FOXP2: variants seen among roughly 807,000 people sequenced by gnomAD.
FOXP2 encodes forkhead box P2, also known as forkhead box protein P2.
FOXP2 carries 12 observed loss-of-function variants against 115.8 expected under a neutral mutation model. The ratio of observed to expected loss-of-function variants is 0.10; its 90% CI spans 0.07 to 0.17. The LOEUF (loss-of-function observed/expected upper bound fraction) is 0.17. Ranked by LOEUF, FOXP2 falls within the 10% of genes least tolerant of loss-of-function variation. The pLI is 1.00. For synonymous variants in FOXP2, 328 were observed against 297.7 expected (o/e 1.10, Z -1.05); for missense variants, 629 against 843.5 (o/e 0.75, Z 3.15).
At chr7:114,594,757 A>G (rs1400548590) in intron 3 of FOXP2, among the ~76,000 whole-genome samples, 2 of 152,016 alleles carry the variant, frequency 1.3e-5, no homozygotes, top group African/African-American at 4.8e-5. Context: ...GACACCTCCT[A>G]TTTGGGCACA....
At position 114,644,802 on chromosome 7, in the gene FOXP2, C is replaced by A; in HGVS notation, c.1094+13C>A. On this transcript the variant is annotated intron_variant, in intron 8 of 16. Coordinates refer to ENST00000350908, the MANE Select transcript of FOXP2 (RefSeq NM_014491.4). ...GACAGTTTTTAAAGTAGGTTTTTTA[C>A]TTTTTTTTGGTGGGGGGCGGGGGCT... The A allele has an allele frequency of 6.3e-7, 1 of 1,597,858 alleles. No individual in the cohort carries two copies. The highest frequency in any genetic ancestry group is 8.6e-7 in the Non-Finnish European group (1 of 1,167,470).
chr7:114,393,577 G>A (rs1306263202), intron 2 of FOXP2, among the ~76,000 whole-genome samples: 3 of 151,970 alleles, frequency 2.0e-5, no homozygotes, highest in South Asian at 4.2e-4. Context: ...AGCCTGGTGT[G>A]GGGAGTCAAA....
chr7:114,638,716 T>C (rs1584979610), intron 6 of FOXP2, among the ~76,000 whole-genome samples: 1 of 152,260 alleles, frequency 6.6e-6, no homozygotes, highest in Non-Finnish European at 1.5e-5. Context: ...CCCTCTAAAA[T>C]TGTGGTTTTA....
At chr7:114,289,397 T>G (rs1000996149) in intron 2 of FOXP2, among the ~76,000 whole-genome samples, 2 of 151,884 alleles carry the variant, frequency 1.3e-5, no homozygotes, top group Admixed American at 1.3e-4. Flanking sequence ...CAATTAGAGA[T>G]AGAACACATG....
At chr7:114,234,837 A>C (rs1584565269) in intron 1 of FOXP2, among the ~76,000 whole-genome samples, 2 of 152,134 alleles carry the variant, frequency 1.3e-5, no homozygotes, top group Non-Finnish European at 2.9e-5. Context: ...CGTAGATCAT[A>C]TGTCTCTACC....
At chr7:114,158,141 T>C (rs1291062623), upstream of FOXP2, among the ~76,000 whole-genome samples, 1 of 152,074 alleles carries the variant, frequency 6.6e-6, no homozygotes, top group African/African-American at 2.4e-5. Context: ...TGTTTTAAAG[T>C]GCTAAAAGTC....
chr7:114,334,577 A>C (rs778448325), intron 2 of FOXP2, among the ~76,000 whole-genome samples: 3 of 151,606 alleles, frequency 2.0e-5, no homozygotes, highest in Non-Finnish European at 4.4e-5. Flanking sequence ...TTTGTGGTAC[A>C]TAGTTCTCAA....
chr7:114,589,083 C>A (rs779206101), intron 3 of FOXP2, among the ~76,000 whole-genome samples: 6 of 152,030 alleles, frequency 3.9e-5, no homozygotes, highest in Non-Finnish European at 7.4e-5. Flanking sequence ...AAAAAATAAT[C>A]GTCATCAGAC....
intron 1 of FOXP2, among the ~76,000 whole-genome samples, chr7:114,111,307 T>A (rs1211024454): frequency 6.6e-6 from 1 of 152,138 alleles, no homozygotes; most frequent in Non-Finnish European, 1.5e-5. Flanking sequence ...TCAGGAAGCC[T>A]TGTATAGCCT....
chr7:114,465,165 G>A (rs144580876), intron 2 of FOXP2, among the ~76,000 whole-genome samples: 2 of 152,074 alleles, frequency 1.3e-5, no homozygotes, highest in South Asian at 2.1e-4. Flanking sequence ...AGGTGTCGCC[G>A]TGTTGCCAAG....
At chr7:114,651,682 C>G (rs557724492) in intron 8 of FOXP2, among the ~76,000 whole-genome samples, 16 of 152,172 alleles carry the variant, frequency 1.1e-4, no homozygotes, top group Non-Finnish European at 2.1e-4. Context: ...TTCTTTATTA[C>G]TAACAGCAAA....
chr7:114,511,436 G>T (rs1419726062), intron 2 of FOXP2, among the ~76,000 whole-genome samples: 1 of 152,086 alleles, frequency 6.6e-6, no homozygotes, highest in African/African-American at 2.4e-5. Context: ...AATGAAAAAA[G>T]AAAGGAATCA....
At chr7:114,123,318 C>A (rs1333754129) in intron 1 of FOXP2, among the ~76,000 whole-genome samples, 1 of 145,776 alleles carries the variant, frequency 6.9e-6, no homozygotes, top group Non-Finnish European at 1.5e-5. Context: ...CTTGTCAACA[C>A]ACTCCAGTCT....
chr7:114,519,311 AGT>A (rs1798498123), intron 2 of FOXP2, among the ~76,000 whole-genome samples: 1 of 152,146 alleles, frequency 6.6e-6, no homozygotes, highest in Admixed American at 6.6e-5. Context: ...GAAGGTCCTG[AGT>A]GTGTATTTTG....
At chr7:114,118,051 A>G (rs1348134284) in intron 1 of FOXP2, among the ~76,000 whole-genome samples, 2 of 152,150 alleles carry the variant, frequency 1.3e-5, no homozygotes, top group African/African-American at 4.8e-5. Flanking sequence ...CTTCTAACAT[A>G]TGAATGTTGA....
rs975648619 is a variant in FOXP2 at position 114,691,187 on chromosome 7, G to C, written c.*1261G>C. 6.6e-6 allele frequency: 3 copies of C among 453,958 alleles called. No individual in the cohort carries two copies. The highest frequency in any genetic ancestry group is 8.8e-6 in the Non-Finnish European group (2 of 226,740). The allele number at this position is 453,958 out of a possible 1,614,324, so 28.1% of individuals were successfully genotyped here. A position where few individuals can be genotyped will look rare whatever the true frequency, so the allele number is the denominator to read the frequency against. On this transcript the variant is annotated 3_prime_UTR_variant, in exon 17 of 17. Coordinates refer to ENST00000350908, the MANE Select transcript of FOXP2 (RefSeq NM_014491.4). Reference sequence around the variant, plus strand: ...CCTCATTCAGTCAGTTATTTTCAGTGGTGAATACATGTTGTTAGAAGATGT... The same window carrying C: ...CCTCATTCAGTCAGTTATTTTCAGTCGTGAATACATGTTGTTAGAAGATGT...
chr7:114,579,830 G>A (rs1563012308), intron 3 of FOXP2, among the ~76,000 whole-genome samples: 1 of 152,018 alleles, frequency 6.6e-6, no homozygotes, highest in Non-Finnish European at 1.5e-5. Context: ...AGCATTTTCA[G>A]TAAAATGATG....
At chr7:114,518,144 T>A (rs1798434920) in intron 2 of FOXP2, among the ~76,000 whole-genome samples, 1 of 152,136 alleles carries the variant, frequency 6.6e-6, no homozygotes, top group Non-Finnish European at 1.5e-5. Context: ...TGGAAAGGAC[T>A]TCTATTATAA....
chr7:114,366,365 G>A (rs970795039), intron 2 of FOXP2: 3 of 152,174 alleles, frequency 2.0e-5, no homozygotes, highest in South Asian at 2.1e-4. Flanking sequence ...TAGAGTAAAC[G>A]ATGGATCATA....
Sources: gnomAD v4.1 joint callset for allele counts (sites outside exome capture counted in the v4.1 genomes callset) on GRCh38, gnomAD v4.1.1 for gene constraint, MANE v1.5 for transcripts, NCBI Gene and HGNC (gene_info 2026-07-23, HGNC 2026-07-21) for gene names.